Variants in RPGRIP1L observed in about 807,000 individuals in gnomAD.
The protein encoded by RPGRIP1L is protein fantom.
RPGRIP1L carries 131 observed loss-of-function variants against 160.4 expected under a neutral mutation model. The observed-to-expected ratio is 0.82, with a 90% CI of 0.71 to 0.94. The LOEUF is 0.94. Among genes scored for constraint, RPGRIP1L ranks in the 40% least tolerant of loss-of-function variants. RPGRIP1L has a pLI of 0.00. For synonymous variants in RPGRIP1L, 510 were observed against 515.8 expected (o/e 0.99, Z 0.15); for missense variants, 1,522 against 1,535.8 (o/e 0.99, Z 0.15).
chr16:53,601,913 G>T lies in RPGRIP1L; in HGVS notation c.*163C>A, dbSNP rs889878138. The T allele has an allele frequency of 1.6e-6, 1 of 636,776 alleles. No individual in the cohort carries two copies. Among genetic ancestry groups the T allele is most frequent in the African/African-American group, 1.8e-5 (1 of 55,074 alleles). The allele number at this position is 636,776 out of a possible 1,614,324, so 39.4% of individuals were successfully genotyped here. A position where few individuals can be genotyped will look rare whatever the true frequency, so the allele number is the denominator to read the frequency against. ...GGAGGGAATAGAGAAATAAACAAAT[G>T]AAAAAGTATACAAAACTTCAACACT... On this transcript the variant is annotated 3_prime_UTR_variant, in exon 27 of 27. Coordinates refer to ENST00000647211, the MANE Select transcript of RPGRIP1L (RefSeq NM_015272.5).
chr16:53,641,372 AGTT>A lies in RPGRIP1L; in HGVS notation c.2784_2786del (p.Thr929del). 6.2e-7 allele frequency: 1 copy of A among 1,614,118 alleles called. No individual in the cohort carries two copies. Among genetic ancestry groups the A allele is most frequent in the Non-Finnish European group, 8.5e-7 (1 of 1,179,972 alleles). ...TGCGAATGAAATTTCCTAAGTCTTC[AGTT>A]GTTATTGATCCACTTGGTGGAAGGT... On this transcript the variant is annotated inframe_deletion, in exon 18 of 27. Coordinates refer to ENST00000647211, the MANE Select transcript of RPGRIP1L (RefSeq NM_015272.5).
chr16:53,622,480 CTG>C (rs1188026563), intron 22 of RPGRIP1L, 124 bp from the exon 23 acceptor site: 10 of 485,458 alleles, frequency 2.1e-5, no homozygotes, highest in African/African-American at 7.9e-5. Context: ...CCTATTCATA[CTG>C]TGTTATTTCC....
rs1388851938 is a variant in RPGRIP1L, at chr16:53,619,125, C to T, written c.3516G>A (p.Leu1172=). 1.9e-6 allele frequency: 3 copies of T among 1,613,918 alleles called. No homozygotes were observed. Among genetic ancestry groups the T allele is most frequent in the Non-Finnish European group, 1.7e-6 (2 of 1,179,956 alleles). The stretch of plus-strand genomic sequence containing the variant: ...GACTGTAGAATCGACACTCAACAAA[C>T]AGCCGTTGGATAGTGTCATCCATGG... ...QVTMDDTIQR[L]FVECRFYSLP... The change falls in exon 24 of 27, where the codon CTG becomes CTA. Residue 1172 remains leucine, a synonymous_variant. Coordinates refer to ENST00000647211, the MANE Select transcript of RPGRIP1L (RefSeq NM_015272.5).
At chr16:53,636,394 G>A in intron 22 of RPGRIP1L, 45 bp downstream of exon 22, 1 of 1,309,550 alleles carries the variant, frequency 7.6e-7, no homozygotes, top group Non-Finnish European at 1.1e-6. Flanking sequence ...TGAATGAAAG[G>A]CAGCCTTATT....
intron 17 of RPGRIP1L, among the ~76,000 whole-genome samples, 180 bp downstream of exon 17, chr16:53,645,445 A>T (rs1966476549): frequency 1.3e-5 from 2 of 152,166 alleles, no homozygotes; most frequent in Non-Finnish European, 1.5e-5. Context: ...TAATACTGGG[A>T]TAAGATGCAC....
intron 14 of RPGRIP1L, among the ~76,000 whole-genome samples, chr16:53,654,206 C>G (rs72803644): frequency 6.6e-6 from 1 of 152,178 alleles, no homozygotes. Context: ...CTCAAGTAAT[C>G]CATCCGCCTT....
intron 2 of RPGRIP1L, 70 bp from the exon 3 acceptor site, chr16:53,696,365 A>G: frequency 6.8e-7 from 1 of 1,476,202 alleles, no homozygotes; most frequent in South Asian, 1.1e-5. Flanking sequence ...TGATATTAAT[A>G]TAATCTCTGA....
At chr16:53,697,342 C>T (rs2151385354) in intron 2 of RPGRIP1L, among the ~76,000 whole-genome samples, 1 of 150,252 alleles carries the variant, frequency 6.7e-6, no homozygotes, top group East Asian at 2.2e-4. Context: ...TCCCTCTCCC[C>T]ACGGTCTCCC....
rs149234255 is a variant in RPGRIP1L, at chr16:53,664,897, T to C, written c.1216A>G (p.Ile406Val). 3 of 1,612,072 alleles carry C rather than the reference T, an allele frequency of 1.9e-6. No individual in the cohort carries two copies. Among genetic ancestry groups the C allele is most frequent in the Non-Finnish European group, 1.7e-6 (2 of 1,179,930 alleles). ...LKSDLTDKTE[I>V]LDRLKTERDQ... Reference sequence around the variant, plus strand: ...CTTTCAGTTTTTAATCTGTCAAGGATTTCAGTTTTGTCTGTTAAGTCAGAC... The same window carrying C: ...CTTTCAGTTTTTAATCTGTCAAGGACTTCAGTTTTGTCTGTTAAGTCAGAC... The change falls in exon 10 of 27, where the codon ATC (isoleucine) becomes GTC (valine). Residue 406 changes from isoleucine to valine, a missense_variant. Coordinates refer to ENST00000647211, the MANE Select transcript of RPGRIP1L (RefSeq NM_015272.5).
intron 22 of RPGRIP1L, among the ~76,000 whole-genome samples, chr16:53,633,299 T>C (rs918645288): frequency 1.3e-5 from 2 of 152,224 alleles, no homozygotes; most frequent in East Asian, 3.8e-4. Flanking sequence ...CCTCCTGATA[T>C]GATGCAATGA....
Position 53,610,714 on chromosome 16 carries a change from T to C in RPGRIP1L, c.3701+253A>G, listed in dbSNP as rs547630770. On this transcript the variant is annotated intron_variant, in intron 25 of 26. Coordinates refer to ENST00000647211, the MANE Select transcript of RPGRIP1L (RefSeq NM_015272.5). ...CTACAGGAGTGGCAATAGGATACTT[T>C]ATACATGTTGTCCAGTCTTTGGTGT... Among the ~76,000 whole-genome samples, 9 of 152,358 alleles carry C rather than the reference T, an allele frequency of 5.9e-5. No homozygotes were observed. The East Asian group carries it at 1.7e-3, about 29-fold the overall frequency.
chr16:53,606,555 A>ATTC (rs1186770050), intron 25 of RPGRIP1L, among the ~76,000 whole-genome samples: 2 of 152,224 alleles, frequency 1.3e-5, no homozygotes, highest in African/African-American at 4.8e-5. Flanking sequence ...GAAAGTAAGT[A>ATTC]TTCTATATTG....
At chr16:53,660,696 C>T (rs969502041) in intron 10 of RPGRIP1L, among the ~76,000 whole-genome samples, 14 of 151,234 alleles carry the variant, frequency 9.3e-5, no homozygotes, top group Admixed American at 5.3e-4. Flanking sequence ...GAGTTCGAGA[C>T]CAGCCTGACC....
At chr16:53,608,023 G>C (rs1435918156) in intron 25 of RPGRIP1L, 1 of 964,970 alleles carries the variant, frequency 1.0e-6, no homozygotes, top group Non-Finnish European at 1.2e-6. Flanking sequence ...CAGATGTCAA[G>C]CACTCAGGTG....
intron 15 of RPGRIP1L, among the ~76,000 whole-genome samples, chr16:53,652,232 C>G (rs1406252365): frequency 2.0e-5 from 3 of 152,102 alleles, no homozygotes; most frequent in African/African-American, 7.2e-5. Context: ...ACCACCACAC[C>G]TGGCTAATTT....
chr16:53,695,245 A>G (rs1970667171), intron 3 of RPGRIP1L: 2 of 672,912 alleles, frequency 3.0e-6, no homozygotes, highest in Middle Eastern at 2.4e-4. Context: ...GATAATGGTC[A>G]GAAAAGGAAT....
chr16:53,691,768 C>A (rs1378436556), intron 4 of RPGRIP1L, among the ~76,000 whole-genome samples: 1 of 152,178 alleles, frequency 6.6e-6, no homozygotes, highest in Admixed American at 6.5e-5. Flanking sequence ...AGTTTCCCCA[C>A]CTGCCTGAGT....
chr16:53,636,537 A>T, intron 21 of RPGRIP1L, 25 bp from the exon 22 acceptor site: 1 of 1,546,564 alleles, frequency 6.5e-7, no homozygotes, highest in Non-Finnish European at 8.9e-7. Context: ...AAAGGGTAAC[A>T]TTTACACAAG....
At position 53,641,304 on chromosome 16, in the gene RPGRIP1L, G is replaced by C; in HGVS notation, c.2855C>G (p.Ser952Cys). The change falls in exon 18 of 27, where the codon TCT becomes TGT. Residue 952 changes from serine (S) to cysteine (C), a missense_variant. Coordinates refer to ENST00000647211, the MANE Select transcript of RPGRIP1L (RefSeq NM_015272.5). ...EVVQRLPPAS[S>C]VSTLVLAPRP... ...ACTCACTAAAACTAGTGTGCTAACA[G>C]AGGATGCTGGAGGAAGTCTTTGAAC... The C allele has an allele frequency of 1.2e-6, 2 of 1,613,998 alleles. No homozygotes were observed. Among genetic ancestry groups the C allele is most frequent in the Non-Finnish European group, 1.7e-6 (2 of 1,179,940 alleles).
Sources: allele counts gnomAD v4.1 joint callset (sites outside exome capture counted in the v4.1 genomes callset), GRCh38; gene constraint gnomAD v4.1.1; transcripts MANE v1.5; gene names NCBI Gene and HGNC (gene_info 2026-07-23, HGNC 2026-07-21).